The following SPATS1 variants were observed in gnomAD, a reference collection of about 807,000 sequenced individuals.
The protein encoded by SPATS1 is spermatogenesis-associated serine-rich protein 1.
A neutral mutation model predicts 33.6 loss-of-function variants in SPATS1; 23 were observed. The observed-to-expected ratio is 0.68, with a 90% confidence interval of 0.49 to 0.97. SPATS1 has a LOEUF of 0.97. Ranked by LOEUF, SPATS1 falls within the 50% of genes least tolerant of loss-of-function variation. The pLI is 0.00. For missense variants in SPATS1, 327 were observed against 361.0 expected (o/e 0.91, Z 0.76); for synonymous variants, 131 against 125.6 (o/e 1.04, Z -0.29).
chr6:44,357,291 G>A (rs1788649124), intron 3 of SPATS1, among the ~76,000 whole-genome samples: 1 of 152,106 alleles, frequency 6.6e-6, no homozygotes. Context: ...AAGCTGCTTG[G>A]CTTCCACTGA....
chr6:44,373,769 AG>A (rs1789768927), intron 7 of SPATS1, among the ~76,000 whole-genome samples: 1 of 152,238 alleles, frequency 6.6e-6, no homozygotes, highest in Non-Finnish European at 1.5e-5. Flanking sequence ...CTTATTGAAA[AG>A]GTCCCTATAA....
chr6:44,376,519 C>T, intron 8 of SPATS1, 46 bp downstream of exon 8: 2 of 1,386,088 alleles, frequency 1.4e-6, no homozygotes, highest in Non-Finnish European at 2.0e-6. Context: ...CTGGAGGAGT[C>T]CGCCGGGTAT....
intron 2 of SPATS1, among the ~76,000 whole-genome samples, chr6:44,346,783 T>C (rs539402616): frequency 6.6e-6 from 1 of 152,312 alleles, no homozygotes; most frequent in African/African-American, 2.4e-5. Flanking sequence ...TCAAGGAGTG[T>C]AAATTAGTTC....
chr6:44,344,419 G>T (rs1263941397), intron 2 of SPATS1, among the ~76,000 whole-genome samples: 1 of 151,714 alleles, frequency 6.6e-6, no homozygotes, highest in Non-Finnish European at 1.5e-5. Flanking sequence ...GTGTGTGTGT[G>T]TGTGCATTTT....
chr6:44,345,168 AG>A (rs1206391799), intron 2 of SPATS1, among the ~76,000 whole-genome samples: 12 of 151,924 alleles, frequency 7.9e-5, no homozygotes, highest in Non-Finnish European at 4.4e-5. Flanking sequence ...TTCTTTTACC[AG>A]GGGAGGGGCG....
Position 44,343,147 on chromosome 6 carries a change from T to A in SPATS1, c.52T>A (p.Ser18Thr). Residue 18 changes from serine to threonine, a missense_variant, in exon 2 of 9, where the codon TCC becomes ACC. Ser to Thr is a moderately conservative substitution (Grantham distance 58, BLOSUM62 1). Coordinates refer to ENST00000674044, the MANE Select transcript of SPATS1 (RefSeq NM_001372081.1). ...GNSPRGCRLP[S>T]ISSTTCGRQL... ...CAGTCCACGGGGCTGCCGTCTCCCC[T>A]CCATCTCAAGCACGACCTGCGGCAG... 6.2e-7 allele frequency: 1 copy of A among 1,613,980 alleles called. No homozygotes were observed. Among genetic ancestry groups the A allele is most frequent in the Non-Finnish European group, 8.5e-7 (1 of 1,179,968 alleles).
intron 3 of SPATS1, among the ~76,000 whole-genome samples, chr6:44,358,608 G>A (rs188350324): frequency 6.6e-6 from 1 of 152,210 alleles, no homozygotes; most frequent in East Asian, 1.9e-4. Context: ...CAACTCGATG[G>A]TTTTTAGTGT....
chr6:44,370,767 G>A (rs1198101360), intron 7 of SPATS1, among the ~76,000 whole-genome samples: 1 of 151,986 alleles, frequency 6.6e-6, no homozygotes, highest in East Asian at 1.9e-4. Flanking sequence ...TTATTATGTT[G>A]CATTGTTACT....
In SPATS1 at chr6:44,343,219, G is replaced by C; in HGVS notation, c.124G>C (p.Val42Leu). The C allele has an allele frequency of 6.2e-7, 1 of 1,613,992 alleles. No individual in the cohort carries two copies. Among genetic ancestry groups the C allele is most frequent in the Non-Finnish European group, 8.5e-7 (1 of 1,179,984 alleles). The part of the protein sequence containing the change: ...PEKRDSGMTE[V>L]ERTYSANCSD... The stretch of plus-strand genomic sequence containing the variant: ...AAAAAGGGACTCTGGCATGACCGAG[G>C]TGGAGAGGACCTACAGTTGAGTTCT... The change falls in exon 2 of 9, where the codon GTG (valine) becomes CTG (leucine). Residue 42 changes from valine (V) to leucine (L), a missense_variant. Val to Leu is a conservative substitution (Grantham distance 32). Coordinates refer to ENST00000674044, the MANE Select transcript of SPATS1 (RefSeq NM_001372081.1).
intron 3 of SPATS1, among the ~76,000 whole-genome samples, chr6:44,353,498 T>C (rs1026698164): frequency 1.3e-5 from 2 of 152,116 alleles, no homozygotes; most frequent in Admixed American, 1.3e-4. Context: ...CAATCTTCCC[T>C]TCTTGGCCTC....
chr6:44,357,893 G>A (rs1561956998), intron 3 of SPATS1, among the ~76,000 whole-genome samples: 2 of 152,138 alleles, frequency 1.3e-5, no homozygotes, highest in Non-Finnish European at 1.5e-5. Flanking sequence ...TTTCACATTG[G>A]AGATACGGGT....
chr6:44,353,968 G>C (rs1195190040), intron 3 of SPATS1, among the ~76,000 whole-genome samples: 1 of 151,262 alleles, frequency 6.6e-6, no homozygotes, highest in Non-Finnish European at 1.5e-5. Flanking sequence ...ACCTAGGAAG[G>C]CGGAGCTTGC....
intron 6 of SPATS1, 80 bp downstream of exon 6, chr6:44,368,579 A>G: frequency 7.3e-7 from 1 of 1,361,112 alleles, no homozygotes; most frequent in Middle Eastern, 1.9e-4. Flanking sequence ...ATTATATTTT[A>G]AAAGGGATAG....
At chr6:44,359,129 T>G (rs1788754521) in intron 3 of SPATS1, among the ~76,000 whole-genome samples, 1 of 151,962 alleles carries the variant, frequency 6.6e-6, no homozygotes, top group African/African-American at 2.4e-5. Context: ...CCTGGCTAAT[T>G]AAAAATTTTT....
intron 2 of SPATS1, among the ~76,000 whole-genome samples, chr6:44,345,907 T>A (rs1787849275): frequency 6.6e-6 from 1 of 152,206 alleles, no homozygotes; most frequent in South Asian, 2.1e-4. Flanking sequence ...ATGATAGGAA[T>A]GCCATTCCTC....
chr6:44,376,625 C>T (rs951101483), intron 8 of SPATS1, 152 bp downstream of exon 8: 87 of 571,674 alleles, frequency 1.5e-4, no homozygotes, highest in Middle Eastern at 1.4e-3. Flanking sequence ...CATGGTGAAA[C>T]CCCGTCTCTA....
In SPATS1 at chr6:44,377,275, TAG is replaced by T; in HGVS notation, c.*214_*215del. The T allele has an allele frequency of 1.7e-6, 1 of 598,188 alleles. No individual in the cohort carries two copies. Among genetic ancestry groups the T allele is most frequent in the Non-Finnish European group, 3.0e-6 (1 of 336,320 alleles). 37.1% of individuals were successfully genotyped at this position (598,188 alleles called of 1,614,324 possible). A position where few individuals can be genotyped will look rare whatever the true frequency, so the allele number is the denominator to read the frequency against. On this transcript the variant is annotated 3_prime_UTR_variant, in exon 9 of 9. Coordinates refer to ENST00000674044, the MANE Select transcript of SPATS1 (RefSeq NM_001372081.1). ...AACAAACACCTGCATATCCTTCACA[TAG>T]ATTCTATCATTGTTAATATTTGTTC...
intron 7 of SPATS1, among the ~76,000 whole-genome samples, chr6:44,373,524 T>A (rs192052213): frequency 1.3e-5 from 2 of 152,364 alleles, no homozygotes; most frequent in Non-Finnish European, 2.9e-5. Context: ...TTTTCCCAAG[T>A]TATTTGATGA....
chr6:44,375,786 A>C (rs1339019558), intron 7 of SPATS1, among the ~76,000 whole-genome samples: 1 of 149,548 alleles, frequency 6.7e-6, no homozygotes, highest in Non-Finnish European at 1.5e-5. Context: ...TGGGCGACAG[A>C]GTGAGACTCT....
Sources: allele counts gnomAD v4.1 joint callset (sites outside exome capture counted in the v4.1 genomes callset), GRCh38; gene constraint gnomAD v4.1.1; transcripts MANE v1.5; gene names NCBI Gene and HGNC (gene_info 2026-07-23, HGNC 2026-07-21).